The following PRDM5 variants were observed in gnomAD, a reference collection of about 807,000 sequenced individuals.
PRDM5 encodes the protein PR domain zinc finger protein 5.
In PRDM5, 56 loss-of-function variants were observed where a neutral mutation model predicts 81.2. That is an observed-to-expected ratio of 0.69 (90% CI 0.56 to 0.86). The LOEUF (loss-of-function observed/expected upper bound fraction) is 0.86. Ranked by LOEUF, PRDM5 falls within the 40% of genes least tolerant of loss-of-function variation. The pLI is 0.00. For missense variants in PRDM5, 697 were observed against 770.1 expected (o/e 0.91, Z 1.12); for synonymous variants, 267 against 256.4 (o/e 1.04, Z -0.39).
At position 120,779,800 on chromosome 4, in the gene PRDM5, G is replaced by A. The variant is rs139568033; in HGVS notation, c.1443+1343C>T. 8.0e-4 allele frequency among the ~76,000 whole-genome samples: 122 copies of A among 152,230 alleles called. 1 individual carries two copies. The highest frequency in any genetic ancestry group is 5.0e-3 in the East Asian group (26 of 5,184). On this transcript the variant is annotated intron_variant, in intron 12 of 15. Coordinates refer to ENST00000264808, the MANE Select transcript of PRDM5 (RefSeq NM_018699.4). ...CACCTATAATCCCAGCTACTTGGGA[G>A]TTTGAGGCTCAAGAATTGCTTGAAC...
chr4:120,762,809 T>C lies in PRDM5; in HGVS notation c.1538-8171A>G, dbSNP rs1190749571. The C allele has an allele frequency of 2.0e-5, 3 of 152,294 alleles. No individual in the cohort carries two copies. In the East Asian group the frequency reaches 5.8e-4, roughly 29 times the overall value. 9.4% of individuals were successfully genotyped at this position (152,294 alleles called of 1,614,324 possible). A position where few individuals can be genotyped will look rare whatever the true frequency, so the allele number is the denominator to read the frequency against. On this transcript the variant is annotated intron_variant, in intron 13 of 15. Transcript: ENST00000264808. ...CCTTGTTACTCTTGGAATGTTCCCA[T>C]TAATCAAATTCTGAGGAATCTCACT...
intron 1 of PRDM5, among the ~76,000 whole-genome samples, chr4:120,686,248 A>G (rs558531579): frequency 2.3e-4 from 35 of 152,090 alleles, no homozygotes; most frequent in Admixed American, 9.8e-4. Flanking sequence ...AGGCTCAGGT[A>G]TTTATGACAA....
chr4:120,799,898 T>C (rs573892810), intron 8 of PRDM5, among the ~76,000 whole-genome samples, 153 bp from the exon 9 acceptor site: 2 of 152,188 alleles, frequency 1.3e-5, no homozygotes, highest in East Asian at 1.9e-4. Flanking sequence ...CTAACCTATA[T>C]ACACTGAAAA....
chr4:120,818,170 T>A, intron 5 of PRDM5, 183 bp downstream of exon 5: 1 of 606,392 alleles, frequency 1.6e-6, no homozygotes, highest in Non-Finnish European at 2.9e-6. Flanking sequence ...ATCAACATAC[T>A]ATACTAAGAA....
At chr4:120,872,210 G>A (rs1404181294) in intron 2 of PRDM5, among the ~76,000 whole-genome samples, 1 of 147,594 alleles carries the variant, frequency 6.8e-6, no homozygotes, top group Non-Finnish European at 1.5e-5. Context: ...TTCCACTTCT[G>A]GGTGTAAATC....
At chr4:120,804,955 A>G (rs1752698038) in intron 8 of PRDM5, among the ~76,000 whole-genome samples, 2 of 152,244 alleles carry the variant, frequency 1.3e-5, no homozygotes, top group South Asian at 2.1e-4. Context: ...GACCGCTAGC[A>G]AGACTAATAA....
intron 14 of PRDM5, among the ~76,000 whole-genome samples, chr4:120,744,785 A>G: frequency 6.6e-6 from 1 of 151,106 alleles, no homozygotes; most frequent in Non-Finnish European, 1.5e-5. Flanking sequence ...TGTGGCAAGA[A>G]TCAATAGCTT....
intron 3 of PRDM5, among the ~76,000 whole-genome samples, chr4:120,828,514 T>G (rs1260866265): frequency 6.6e-6 from 1 of 152,112 alleles, no homozygotes; most frequent in East Asian, 1.9e-4. Flanking sequence ...TGAAGTAGAA[T>G]TAGTTATCAA....
intron 13 of PRDM5, among the ~76,000 whole-genome samples, chr4:120,774,768 T>C (rs1578681839): frequency 1.3e-5 from 2 of 152,100 alleles, no homozygotes; most frequent in South Asian, 4.1e-4. Context: ...AGTTTTATTT[T>C]AAACAGAAAA....
At chr4:120,876,535 T>C (rs1579079715) in intron 2 of PRDM5, among the ~76,000 whole-genome samples, 1 of 152,206 alleles carries the variant, frequency 6.6e-6, no homozygotes, top group Non-Finnish European at 1.5e-5. Flanking sequence ...TTTAGGAACA[T>C]ATATTGCATT....
At chr4:120,864,456 T>C (rs1050606851) in intron 2 of PRDM5, among the ~76,000 whole-genome samples, 1 of 152,000 alleles carries the variant, frequency 6.6e-6, no homozygotes, top group African/African-American at 2.4e-5. Flanking sequence ...AAGAAAACAA[T>C]AAAAACACAA....
chr4:120,740,053 T>C (rs10518378), intron 14 of PRDM5, among the ~76,000 whole-genome samples: 25,363 of 152,144 alleles, frequency 0.17, 2,360 homozygotes, highest in Middle Eastern at 0.35. Flanking sequence ...AGAATAAGAA[T>C]GCTCAATTTC....
At chr4:120,856,478 A>C (rs1445096588) in intron 2 of PRDM5, among the ~76,000 whole-genome samples, 1 of 152,150 alleles carries the variant, frequency 6.6e-6, no homozygotes, top group Non-Finnish European at 1.5e-5. Flanking sequence ...CCAGCTTTCA[A>C]GTGGCTGGCC....
chr4:120,758,956 C>T (rs1226937972), intron 13 of PRDM5, among the ~76,000 whole-genome samples: 2 of 152,022 alleles, frequency 1.3e-5, no homozygotes, highest in Non-Finnish European at 2.9e-5. Context: ...GGGGTTTCAC[C>T]TTGTTAGCCA....
chr4:120,789,805 T>C (rs1750312244), intron 10 of PRDM5, among the ~76,000 whole-genome samples: 1 of 152,152 alleles, frequency 6.6e-6, no homozygotes, highest in African/African-American at 2.4e-5. Context: ...TACTTTAAGC[T>C]CAGTAGAGAA....
chr4:120,730,994 A>C (rs988922861), intron 14 of PRDM5, among the ~76,000 whole-genome samples: 1 of 152,234 alleles, frequency 6.6e-6, no homozygotes, highest in Non-Finnish European at 1.5e-5. Context: ...GGTGCAGATA[A>C]GATACAAAAG....
chr4:120,837,654 C>T (rs552040110), intron 3 of PRDM5: 7 of 152,192 alleles, frequency 4.6e-5, no homozygotes, highest in Non-Finnish European at 1.0e-4. Flanking sequence ...AAACAAGCTA[C>T]ATAGATGCAT....
chr4:120,777,832 G>C (rs1748409680), intron 12 of PRDM5, among the ~76,000 whole-genome samples: 2 of 152,066 alleles, frequency 1.3e-5, no homozygotes, highest in African/African-American at 4.8e-5. Flanking sequence ...GCATATTTCT[G>C]CCCTCAACAT....
chr4:120,869,047 G>A (rs7681598), intron 2 of PRDM5, among the ~76,000 whole-genome samples: 30,301 of 151,938 alleles, frequency 0.2, 3,350 homozygotes, highest in Non-Finnish European at 0.25. Flanking sequence ...GCAGACAAAA[G>A]AATATACATA....
Sources: allele counts gnomAD v4.1 joint callset (sites outside exome capture counted in the v4.1 genomes callset), GRCh38; gene constraint gnomAD v4.1.1; transcripts MANE v1.5; gene names NCBI Gene and HGNC (gene_info 2026-07-23, HGNC 2026-07-21).